Variants in RGS12 observed in about 807,000 individuals in gnomAD.
RGS12 encodes the protein regulator of G-protein signaling 12.
In RGS12, 66 loss-of-function variants were observed where a neutral mutation model predicts 120.1. The observed-to-expected ratio is 0.55, with a 90% CI of 0.45 to 0.67. The LOEUF is 0.67. Among genes scored for constraint, RGS12 ranks in the 30% least tolerant of loss-of-function variants. The pLI, the probability that RGS12 is intolerant of heterozygous loss-of-function variation, is 0.00. For missense variants in RGS12, 1,859 were observed against 1,957.7 expected (o/e 0.95, Z 0.95); for synonymous variants, 827 against 804.7 (o/e 1.03, Z -0.47).
chr4:3,399,837 A>G (rs1720401895), intron 4 of RGS12, among the ~76,000 whole-genome samples: 1 of 152,250 alleles, frequency 6.6e-6, no homozygotes, highest in African/African-American at 2.4e-5. Flanking sequence ...ACACTACATT[A>G]CATGCCTACT....
Position 3,389,603 on chromosome 4 carries a change from G to A in RGS12, c.2020+3166G>A, listed in dbSNP as rs1719251248. Among the ~76,000 whole-genome samples the A allele has an allele frequency of 6.6e-6, 1 of 152,166 alleles. No homozygotes were observed. The highest frequency in any genetic ancestry group is 6.5e-5 in the Admixed American group (1 of 15,286). On this transcript the variant is annotated intron_variant, in intron 4 of 17. Transcript: ENST00000336727. The surrounding 1 kb of genome is among the most constrained non-coding windows in gnomAD (Gnocchi z 5.2). Reference sequence around the variant, plus strand: ...CGTTGGTCAAGCTCTGTGCCAAGAGGCCTGCCAGAATCCCCTCACCCACTG... The same window carrying A: ...CGTTGGTCAAGCTCTGTGCCAAGAGACCTGCCAGAATCCCCTCACCCACTG...
chr4:3,422,283 C>T (rs540860347), intron 10 of RGS12, 93 bp from the exon 11 acceptor site: 9 of 1,320,082 alleles, frequency 6.8e-6, no homozygotes, highest in Middle Eastern at 1.9e-4. Flanking sequence ...CTCCCCAGCA[C>T]GTGCGGCCTG....
At chr4:3,382,437 C>T (rs907956433) in intron 3 of RGS12, among the ~76,000 whole-genome samples, 16 of 152,152 alleles carry the variant, frequency 1.1e-4, no homozygotes, top group African/African-American at 3.6e-4. Context: ...TGCTGAGTGC[C>T]GACTGGATGC....
intron 1 of RGS12, among the ~76,000 whole-genome samples, chr4:3,309,397 T>A (rs1160963335): frequency 0.016 from 558 of 34,594 alleles, 13 homozygotes; most frequent in African/African-American, 0.057. Context: ...GCTGGGACCC[T>A]GGAATGGCAG....
At chr4:3,362,678 G>GGTGAGGGTGTGT (rs1422577882) in intron 3 of RGS12, among the ~76,000 whole-genome samples, 3 of 127,474 alleles carry the variant, frequency 2.4e-5, no homozygotes, top group Non-Finnish European at 3.3e-5. Flanking sequence ...TGAGTGTGAG[G>GGTGAGGGTGTGT]GTGAGGGTGT....
chr4:3,363,148 C>T (rs557710813), intron 3 of RGS12, among the ~76,000 whole-genome samples: 17 of 130,266 alleles, frequency 1.3e-4, no homozygotes, highest in Non-Finnish European at 1.7e-4. Flanking sequence ...GGTGTGTGTG[C>T]GCGAGGGCGT....
chr4:3,432,167 T>C (rs1308347701), intron 17 of RGS12: 3 of 985,194 alleles, frequency 3.0e-6, no homozygotes, highest in Non-Finnish European at 3.6e-6. Flanking sequence ...ATTCTGGACA[T>C]CATCACTGGA....
chr4:3,309,376 GCA>G (rs201483444), intron 1 of RGS12, among the ~76,000 whole-genome samples: 5 of 140,180 alleles, frequency 3.6e-5, no homozygotes, highest in East Asian at 4.0e-4. Flanking sequence ...GGGGAACCGT[GCA>G]GGGGAGGAGC....
At chr4:3,370,536 A>G (rs6826720) in intron 3 of RGS12, among the ~76,000 whole-genome samples, 58,234 of 152,206 alleles carry the variant, frequency 0.38, 11,957 homozygotes, top group African/African-American at 0.55. Flanking sequence ...CGGGCCCGAC[A>G]CACCCGGCCG....
chr4:3,326,674 A>G (rs1157231714), intron 2 of RGS12, among the ~76,000 whole-genome samples: 1 of 152,246 alleles, frequency 6.6e-6, no homozygotes, highest in East Asian at 1.9e-4. Flanking sequence ...ACCAATAATG[A>G]TCTAGCTGAG....
At chr4:3,369,567 G>T (rs1194142609) in intron 3 of RGS12, among the ~76,000 whole-genome samples, 1 of 152,232 alleles carries the variant, frequency 6.6e-6, no homozygotes. Flanking sequence ...ATTAGGACGA[G>T]ACTCTAGGTG....
At chr4:3,297,193 G>A (rs549456302) in intron 1 of RGS12, among the ~76,000 whole-genome samples, 3 of 152,226 alleles carry the variant, frequency 2.0e-5, no homozygotes, top group East Asian at 1.9e-4. Context: ...GGTGATACCC[G>A]ATACGCATAC....
rs546658104 is a variant in RGS12 at position 3,436,979 on chromosome 4, G to T, written c.4115-2476G>T. 3.3e-5 allele frequency among the ~76,000 whole-genome samples: 5 copies of T among 152,340 alleles called. No individual in the cohort carries two copies. The East Asian group carries it at 9.7e-4, about 29-fold the overall frequency. On this transcript the variant is annotated intron_variant, in intron 17 of 17. Coordinates refer to ENST00000336727, the MANE Select transcript of RGS12 (RefSeq NM_001394154.1). ...TCAGGTCTGGATGTTTGGAGATGTG[G>T]CACCAGGAGTGAGACCAGGAGGCCA...
At chr4:3,428,214 G>T in intron 15 of RGS12, 45 bp downstream of exon 15, 1 of 1,547,270 alleles carries the variant, frequency 6.5e-7, no homozygotes, top group Non-Finnish European at 8.9e-7. Context: ...TCCTCTCGCT[G>T]TGGCCCCCGC....
chr4:3,364,256 G>A (rs1716054665), intron 3 of RGS12, among the ~76,000 whole-genome samples: 1 of 152,128 alleles, frequency 6.6e-6, no homozygotes, highest in South Asian at 2.1e-4. Flanking sequence ...CTGCACGTCG[G>A]GGCTCCTGGG....
rs1724353207 is a variant in RGS12, at chr4:3,431,982, C to T, written c.4114+1027C>T. 1.7e-5 allele frequency: 17 copies of T among 985,308 alleles called. No homozygotes were observed. In the South Asian group the frequency reaches 7.5e-4, roughly 44 times the overall value. 61.0% of individuals were successfully genotyped at this position (985,308 alleles called of 1,614,324 possible). On this transcript the variant is annotated intron_variant, in intron 17 of 17. Coordinates refer to ENST00000336727, the MANE Select transcript of RGS12 (RefSeq NM_001394154.1). Reference sequence around the variant, plus strand: ...GCCACGTGTGGCATGGGAGGGGCTACCTGGTCCCTTTCACAGCCAGGACAC... The same window carrying T: ...GCCACGTGTGGCATGGGAGGGGCTATCTGGTCCCTTTCACAGCCAGGACAC...
chr4:3,317,562 T>TGCCCA lies in RGS12; in HGVS notation c.1397_1401dup (p.Trp468SerfsTer33), dbSNP rs1724868231. The TGCCCA allele has an allele frequency of 6.2e-7, 1 of 1,606,532 alleles. No individual in the cohort carries two copies. The highest frequency in any genetic ancestry group is 8.5e-7 in the Non-Finnish European group (1 of 1,177,738). Reference sequence around the variant, plus strand: ...CGTGGGACGGTGTGGGTGGGAGGGGTGCCCAGCCCTGGGGTGCTCCCTGGA... The same window carrying TGCCCA: ...CGTGGGACGGTGTGGGTGGGAGGGGTGCCCAGCCCAGCCCTGGGGTGCTCCCTGGA... On this transcript the variant is annotated frameshift_variant, in exon 2 of 18. Transcript: ENST00000336727. LOFTEE classifies it high-confidence loss of function.
chr4:3,422,619 C>T (rs758451528), intron 11 of RGS12, 49 bp downstream of exon 11: 54 of 1,557,374 alleles, frequency 3.5e-5, no homozygotes, highest in South Asian at 2.1e-4. Context: ...ATGACCTCCC[C>T]GCTCCCTGGC....
intron 4 of RGS12, among the ~76,000 whole-genome samples, chr4:3,410,428 G>A (rs1053869765): frequency 6.6e-6 from 1 of 152,140 alleles, no homozygotes; most frequent in South Asian, 2.1e-4. Flanking sequence ...GAACAGGATC[G>A]GCCCCCGAGG....
Sources: gnomAD v4.1 joint callset for allele counts (sites outside exome capture counted in the v4.1 genomes callset) on GRCh38, gnomAD v4.1.1 for gene constraint, Gnocchi (gnomAD v3.1) non-coding constraint, MANE v1.5 for transcripts, NCBI Gene and HGNC (gene_info 2026-07-23, HGNC 2026-07-21) for gene names.